The following CIITA variants were observed in gnomAD, a reference collection of about 807,000 sequenced individuals.
The protein encoded by CIITA is class II major histocompatibility complex transactivator.
In CIITA, 72 loss-of-function variants were observed where a neutral mutation model predicts 115.1. The observed-to-expected ratio is 0.63, with a 90% CI of 0.52 to 0.76. CIITA has a LOEUF of 0.76. Among genes scored for constraint, CIITA ranks in the 30% least tolerant of loss-of-function variants. The pLI, the probability that CIITA is intolerant of heterozygous loss-of-function variation, is 0.00. For synonymous variants in CIITA, 763 were observed against 635.6 expected (o/e 1.20, Z -3.02); for missense variants, 1,617 against 1,463.8 (o/e 1.10, Z -1.71).
chr16:10,873,974 GT>G (rs1567350708), upstream of CIITA, among the ~76,000 whole-genome samples: 2 of 151,988 alleles, frequency 1.3e-5, no homozygotes, highest in East Asian at 3.9e-4. Context: ...GTTTTGTTGT[GT>G]TTTGTTTTTG....
At chr16:10,898,478 T>C (rs1314226293) in intron 3 of CIITA, among the ~76,000 whole-genome samples, 192 bp from the exon 4 acceptor site, 2 of 151,612 alleles carry the variant, frequency 1.3e-5, no homozygotes, top group Admixed American at 6.6e-5. Flanking sequence ...ACATACCTCA[T>C]CCTTTTGATT....
chr16:10,873,974 G>A (rs144623907), upstream of CIITA, among the ~76,000 whole-genome samples: 221 of 152,106 alleles, frequency 1.5e-3, 1 homozygote, highest in Middle Eastern at 0.01. Flanking sequence ...GTTTTGTTGT[G>A]TTTTGTTTTT....
At chr16:10,898,828 G>A (rs947880537) in intron 4 of CIITA, 96 bp downstream of exon 4, 25 of 1,589,704 alleles carry the variant, frequency 1.6e-5, no homozygotes, top group Non-Finnish European at 2.1e-5. Context: ...ATTCATTGAT[G>A]GGCAGTCAGA....
At position 10,916,469 on chromosome 16, in the gene CIITA, C is replaced by T. The variant is rs1307228583; in HGVS notation, c.3062+10C>T. ...CCTTGGAAACCCTCAAGTGAGTGAG[C>T]TGGGCCTGCCCTTCCTGCTGAATCG... On this transcript the variant is annotated intron_variant, in intron 15 of 19. Coordinates refer to ENST00000324288, the MANE Select transcript of CIITA (RefSeq NM_000246.4). 4.4e-6 allele frequency: 7 copies of T among 1,606,576 alleles called. No individual in the cohort carries two copies. The highest frequency in any genetic ancestry group is 6.0e-6 in the Non-Finnish European group (7 of 1,175,938).
At chr16:10,885,500 C>T (rs776231261) in intron 1 of CIITA, among the ~76,000 whole-genome samples, 1 of 152,198 alleles carries the variant, frequency 6.6e-6, no homozygotes, top group African/African-American at 2.4e-5. Context: ...GTGACCTCCT[C>T]GTGCCACTCC....
rs1253168343 is a variant in CIITA at position 10,915,495 on chromosome 16, C to G, written c.2889-75C>G. ...ACAGGACCTGACTTCTGTGCCTTGTCTCTGCCCCACCCTGGGGCTGAATGA... is the reference window on the plus strand; with the variant it reads ...ACAGGACCTGACTTCTGTGCCTTGTGTCTGCCCCACCCTGGGGCTGAATGA... On this transcript the variant is annotated intron_variant, in intron 13 of 19. Transcript: ENST00000324288. 5 of 1,201,326 alleles carry G rather than the reference C, an allele frequency of 4.2e-6. No homozygotes were observed. In the Admixed American group the frequency reaches 6.7e-5, roughly 16 times the overall value. The allele number at this position is 1,201,326 out of a possible 1,614,324, so 74.4% of individuals were successfully genotyped here.
rs2040645993 is a variant in CIITA, at chr16:10,928,801, TGGA to T, written c.*4947_*4949del. On this transcript the variant is annotated 3_prime_UTR_variant, in exon 20 of 20. Transcript: ENST00000324288. The stretch of plus-strand genomic sequence containing the variant: ...CTGGGGCAGACTCTCTCAACCCCAC[TGGA>T]TCTTCTGCTGTTTGTCAGCCACAAG... The T allele has an allele frequency of 6.6e-6, 1 of 152,402 alleles. No individual in the cohort carries two copies. The highest frequency in any genetic ancestry group is 2.1e-4 in the South Asian group (1 of 4,830). 9.4% of individuals were successfully genotyped at this position (152,402 alleles called of 1,614,324 possible). A position where few individuals can be genotyped will look rare whatever the true frequency, so the allele number is the denominator to read the frequency against.
intron 8 of CIITA, 93 bp from the exon 9 acceptor site, chr16:10,903,638 G>A: frequency 1.5e-6 from 2 of 1,348,220 alleles, no homozygotes; most frequent in African/African-American, 1.4e-5. Flanking sequence ...GACTTCCTGA[G>A]CTCCACAGCC....
chr16:10,867,243 C>CAA (rs34055460), intron 1 of CIITA, among the ~76,000 whole-genome samples: 26 of 138,092 alleles, frequency 1.9e-4, no homozygotes, highest in African/African-American at 5.3e-4. Context: ...GACTCCATCT[C>CAA]AAAAAAAAAA....
At chr16:10,905,853 A>C (rs1596545841) in intron 10 of CIITA, among the ~76,000 whole-genome samples, 1 of 151,976 alleles carries the variant, frequency 6.6e-6, no homozygotes, top group African/African-American at 2.4e-5. Context: ...TGAGTGAACT[A>C]ATGAATGAGT....
chr16:10,942,118 C>G lies in CIITA; in HGVS notation n.1244C>G, dbSNP rs1262901710. The G allele has an allele frequency of 3.8e-6, 3 of 785,474 alleles. No individual in the cohort carries two copies. The highest frequency in any genetic ancestry group is 1.9e-5 in the African/African-American group (1 of 53,856). The allele number at this position is 785,474 out of a possible 1,614,324, so 48.7% of individuals were successfully genotyped here. A position where few individuals can be genotyped will look rare whatever the true frequency, so the allele number is the denominator to read the frequency against. ...CATCCAGGGGTACCCTGGAGCCCGA[C>G]AGAAGCAGGGCCGGGCTCCAGATGT... On this transcript the variant is annotated non_coding_transcript_exon_variant, in exon 2 of 2. Transcript: ENST00000573379. The surrounding 1 kb of genome is among the most constrained non-coding windows in gnomAD (Gnocchi z 5.0).
chr16:10,890,775 G>A (rs942014141), intron 1 of CIITA, among the ~76,000 whole-genome samples: 3 of 152,178 alleles, frequency 2.0e-5, no homozygotes, highest in African/African-American at 7.2e-5. Context: ...CCATGTAGAA[G>A]CTGTGCTGCC....
In CIITA at chr16:10,932,993, C is replaced by T. The variant is rs967574013; in HGVS notation, c.*9138C>T. 1.3e-5 allele frequency: 2 copies of T among 152,180 alleles called. No individual in the cohort carries two copies. Among genetic ancestry groups the T allele is most frequent in the African/African-American group, 4.8e-5 (2 of 41,414 alleles). The allele number at this position is 152,180 out of a possible 1,614,324, so 9.4% of individuals were successfully genotyped here. ...GCTGTATGCAGCCTACAGGCCGCAC[C>T]ACGGATTGAACAAGTTTCTTCTAAG... On this transcript the variant is annotated 3_prime_UTR_variant, in exon 20 of 20. Transcript: ENST00000324288.
rs1272860181 is a variant in CIITA at position 10,932,759 on chromosome 16, G to A, written c.*8904G>A. Reference sequence around the variant, plus strand: ...CACCCAGGCTGGAGGGCAGTGGCATGATCTTGGCTCACTGCAGTTCCAGGT... The same window carrying A: ...CACCCAGGCTGGAGGGCAGTGGCATAATCTTGGCTCACTGCAGTTCCAGGT... On this transcript the variant is annotated 3_prime_UTR_variant, in exon 20 of 20. Coordinates refer to ENST00000324288, the MANE Select transcript of CIITA (RefSeq NM_000246.4). 1.4e-5 allele frequency: 2 copies of A among 141,912 alleles called. No individual in the cohort carries two copies. The highest frequency in any genetic ancestry group is 3.0e-5 in the Non-Finnish European group (2 of 66,668). The allele number at this position is 141,912 out of a possible 1,614,324, so 8.8% of individuals were successfully genotyped here.
chr16:10,908,620 C>G (rs776333477), intron 11 of CIITA: 1 of 433,596 alleles, frequency 2.3e-6, no homozygotes, highest in Non-Finnish European at 4.3e-6. Context: ...TACAATCCTT[C>G]AGGGACACTC....
Position 10,907,063 on chromosome 16 carries a change from C to G in CIITA, c.1571C>G (p.Ser524Cys). 6.2e-7 allele frequency: 1 copy of G among 1,607,418 alleles called. No individual in the cohort carries two copies. Reference sequence around the variant, plus strand: ...GGACCGGCACCGGCGGAGCCCTGCTCCCTCCGGGGGCTGCTGGCCGGCCTT... The same window carrying G: ...GGACCGGCACCGGCGGAGCCCTGCTGCCTCCGGGGGCTGCTGGCCGGCCTT... The part of the protein sequence containing the change: ...TCGPAPAEPC[S>C]LRGLLAGLFQ... Residue 524 changes from serine (S) to cysteine (C), a missense_variant, in exon 11 of 20, where the codon TCC becomes TGC. By Grantham distance (112) the Ser-to-Cys change is moderately radical (BLOSUM62 -1). Coordinates refer to ENST00000324288, the MANE Select transcript of CIITA (RefSeq NM_000246.4). The surrounding 1 kb of genome is among the most constrained non-coding windows in gnomAD (Gnocchi z 5.0).
chr16:10,894,226 C>T (rs1431362453), intron 1 of CIITA, among the ~76,000 whole-genome samples: 1 of 152,106 alleles, frequency 6.6e-6, no homozygotes, highest in Non-Finnish European at 1.5e-5. Flanking sequence ...ATATGTGACC[C>T]TTTGTGTCCG....
intron 11 of CIITA, chr16:10,908,384 A>G: frequency 3.0e-6 from 2 of 663,626 alleles, no homozygotes; most frequent in South Asian, 1.6e-5. Flanking sequence ...AAGGCCCGCC[A>G]TGTGCCAGTC....
intron 13 of CIITA, among the ~76,000 whole-genome samples, chr16:10,912,601 C>T (rs2039655944): frequency 6.6e-6 from 1 of 152,146 alleles, no homozygotes; most frequent in African/African-American, 2.4e-5. Context: ...CTCCCCTGTG[C>T]CCCAGAAAAA....
Sources: gnomAD v4.1 joint callset for allele counts (sites outside exome capture counted in the v4.1 genomes callset) on GRCh38, gnomAD v4.1.1 for gene constraint, Gnocchi (gnomAD v3.1) non-coding constraint, MANE v1.5 for transcripts, NCBI Gene and HGNC (gene_info 2026-07-23, HGNC 2026-07-21) for gene names.